MRTFA: variants seen among roughly 807,000 people sequenced by gnomAD.
The protein encoded by MRTFA is myocardin related transcription factor A, also known as myocardin-related transcription factor A.
MRTFA carries 20 observed loss-of-function variants against 83.5 expected under a neutral mutation model. The ratio of observed to expected loss-of-function variants is 0.24; its 90% CI spans 0.17 to 0.35. The LOEUF (loss-of-function observed/expected upper bound fraction) is 0.35. MRTFA is among the 10% of genes least tolerant of loss of function. The probability of loss-of-function intolerance (pLI) is 1.00; values close to 1 mark genes in which losing one functional copy is unlikely to be tolerated. For synonymous variants in MRTFA, 659 were observed against 541.2 expected, an observed-to-expected ratio of 1.22 and a Z score of -3.02; for missense variants, 1,200 against 1,224.7, an observed-to-expected ratio of 0.98 and a Z score of 0.30.
At chr22:40,556,740 G>A (rs1020472550) in intron 2 of MRTFA, among the ~76,000 whole-genome samples, 1 of 152,112 alleles carries the variant, frequency 6.6e-6, no homozygotes, top group African/African-American at 2.4e-5. Flanking sequence ...GTCTCTGTGT[G>A]TACTGGGAAA....
At chr22:40,425,296 G>A (rs566405913) in intron 7 of MRTFA, among the ~76,000 whole-genome samples, 110 of 152,370 alleles carry the variant, frequency 7.2e-4, no homozygotes, top group Middle Eastern at 3.4e-3. Flanking sequence ...CAACACTGTC[G>A]TGGGAAGAGG....
chr22:40,418,745 C>CGGGGGT lies in MRTFA; in HGVS notation c.1992_1993insACCCCC (p.Pro664_Ala665insThrPro). Reference sequence around the variant, plus strand: ...GTGCCGAGGGGGGCGGGGGCGGGGGCGGGCTGCTGGGCTCGCTTCTCCTGC... The same window carrying CGGGGGT: ...GTGCCGAGGGGGGCGGGGGCGGGGGCGGGGGTGGGCTGCTGGGCTCGCTTCTCCTGC... On this transcript the variant is annotated inframe_insertion, in exon 12 of 15. Transcript: ENST00000355630. 1 of 1,450,084 alleles carries CGGGGGT rather than the reference C, an allele frequency of 6.9e-7. No homozygotes were observed. Among genetic ancestry groups the CGGGGGT allele is most frequent in the South Asian group, 1.3e-5 (1 of 75,006 alleles). The allele number at this position is 1,450,084 out of a possible 1,614,324, so 89.8% of individuals were successfully genotyped here.
intron 2 of MRTFA, among the ~76,000 whole-genome samples, chr22:40,579,523 C>G (rs1461278893): frequency 6.6e-6 from 1 of 152,098 alleles, no homozygotes; most frequent in Admixed American, 6.6e-5. Context: ...TGAAAGAGGG[C>G]AGTATAATGC....
At chr22:40,502,584 G>A (rs1352771424) in intron 3 of MRTFA, among the ~76,000 whole-genome samples, 1 of 146,202 alleles carries the variant, frequency 6.8e-6, no homozygotes, top group African/African-American at 2.5e-5. Context: ...CAGCCAGGCA[G>A]AGGGGCTCCT....
chr22:40,510,715 C>A (rs2054653151), intron 3 of MRTFA, among the ~76,000 whole-genome samples: 1 of 152,018 alleles, frequency 6.6e-6, no homozygotes, highest in African/African-American at 2.4e-5. Context: ...ATGCAGCAAA[C>A]AATCAGTCTT....
chr22:40,428,003 C>T (rs1214521568), intron 7 of MRTFA, among the ~76,000 whole-genome samples: 1 of 152,122 alleles, frequency 6.6e-6, no homozygotes, highest in Non-Finnish European at 1.5e-5. Context: ...CCAATACCAC[C>T]ATTCCCCCTG....
intron 3 of MRTFA, among the ~76,000 whole-genome samples, chr22:40,519,016 GGTTT>G (rs563974581): frequency 7.4e-4 from 111 of 149,780 alleles, no homozygotes; most frequent in African/African-American, 2.6e-3. Flanking sequence ...TTGTTTTTGG[GGTTT>G]TTTTTTTTTG....
chr22:40,598,598 A>T (rs1602479355), intron 1 of MRTFA, among the ~76,000 whole-genome samples: 1 of 152,198 alleles, frequency 6.6e-6, no homozygotes, highest in African/African-American at 2.4e-5. Context: ...TGTTTTTGAA[A>T]TTACAACAGA....
chr22:40,621,730 CAG>C (rs2056525323), intron 1 of MRTFA, among the ~76,000 whole-genome samples: 1 of 152,172 alleles, frequency 6.6e-6, no homozygotes. Context: ...GCCAGAGACT[CAG>C]AGGGCAGAGT....
At chr22:40,551,515 G>C (rs2055444251) in intron 3 of MRTFA, among the ~76,000 whole-genome samples, 1 of 152,018 alleles carries the variant, frequency 6.6e-6, no homozygotes. Context: ...CTACAAGTGT[G>C]TGCCACCAAG....
intron 1 of MRTFA, among the ~76,000 whole-genome samples, chr22:40,599,900 CT>C: frequency 7.8e-6 from 1 of 128,634 alleles, no homozygotes. Context: ...CACGCTGTGT[CT>C]TTAAAAAAAA....
intron 7 of MRTFA, among the ~76,000 whole-genome samples, chr22:40,429,122 C>T (rs1417571499): frequency 6.6e-6 from 1 of 152,212 alleles, no homozygotes; most frequent in Non-Finnish European, 1.5e-5. Flanking sequence ...GACAAAGGAA[C>T]TTGGTCTGCC....
rs2054230648 is a variant in MRTFA, at chr22:40,489,353, T to A, written c.242-26067A>T. Among the ~76,000 whole-genome samples the A allele has an allele frequency of 2.0e-5, 3 of 152,076 alleles. No homozygotes were observed. In the South Asian group the frequency reaches 6.2e-4, roughly 31 times the overall value. Reference sequence around the variant, plus strand: ...TGTAGAAGACATAATTTCAAATTTTTTTTTTTTTTTTATGGAGACGGAGTC... The same window carrying A: ...TGTAGAAGACATAATTTCAAATTTTATTTTTTTTTTTATGGAGACGGAGTC... On this transcript the variant is annotated intron_variant, in intron 3 of 14. Coordinates refer to ENST00000355630, the MANE Select transcript of MRTFA (RefSeq NM_020831.6).
intron 5 of MRTFA, chr22:40,433,161 A>G: frequency 6.1e-6 from 1 of 163,068 alleles, no homozygotes; most frequent in Non-Finnish European, 1.4e-5. Flanking sequence ...AATGATGTCA[A>G]ATGGCTGAAA....
intron 1 of MRTFA, among the ~76,000 whole-genome samples, chr22:40,608,118 G>A (rs180865224): frequency 8.7e-4 from 132 of 152,272 alleles, no homozygotes; most frequent in Non-Finnish European, 1.5e-3. Context: ...TCCGCCTCCT[G>A]GGTTCAAGCG....
intron 3 of MRTFA, among the ~76,000 whole-genome samples, chr22:40,515,004 G>A (rs1243459088): frequency 5.3e-5 from 8 of 151,596 alleles, no homozygotes; most frequent in Admixed American, 3.9e-4. Flanking sequence ...CGCCTTCTGG[G>A]TTCAAACGAT....
At chr22:40,428,477 A>G (rs528509436) in intron 7 of MRTFA, among the ~76,000 whole-genome samples, 2 of 152,308 alleles carry the variant, frequency 1.3e-5, no homozygotes, top group East Asian at 3.9e-4. Context: ...AAGTGTGCCA[A>G]GAGGCCCTGC....
At position 40,419,282 on chromosome 22, in the gene MRTFA, G is replaced by A; in HGVS notation, c.1456C>T (p.Pro486Ser). Residue 486 changes from proline (P) to serine (S), a missense_variant, in exon 12 of 15, where the codon CCT becomes TCT. Physicochemically the swap from Pro to Ser is moderately conservative, Grantham distance 74 (BLOSUM62 -1). Transcript: ENST00000355630. ...GGGGCCTTGGGGGCTCCTGGCACAG[G>A]GCTGATTTGGTCTTGATAGGCTCGA... is the stretch of plus-strand genomic sequence containing the variant. The A allele has an allele frequency of 6.2e-7, 1 of 1,613,802 alleles. No individual in the cohort carries two copies. The highest frequency in any genetic ancestry group is 8.5e-7 in the Non-Finnish European group (1 of 1,179,948).
chr22:40,630,253 T>C (rs1602515956), intron 1 of MRTFA, among the ~76,000 whole-genome samples: 1 of 152,194 alleles, frequency 6.6e-6, no homozygotes, highest in South Asian at 2.1e-4. Flanking sequence ...GAGGCGGCAG[T>C]TGCAGTGAGC....
Sources: gnomAD v4.1 joint callset for allele counts (sites outside exome capture counted in the v4.1 genomes callset) on GRCh38, gnomAD v4.1.1 for gene constraint, MANE v1.5 for transcripts, NCBI Gene and HGNC (gene_info 2026-07-23, HGNC 2026-07-21) for gene names.